PPP4R1: variants seen among roughly 807,000 people sequenced by gnomAD.
PPP4R1 encodes protein phosphatase 4 regulatory subunit 1.
A neutral mutation model predicts 111.2 loss-of-function variants in PPP4R1; 42 were observed. The observed-to-expected ratio is 0.38, with a 90% CI of 0.29 to 0.49. PPP4R1 has a LOEUF of 0.49. Ranked by LOEUF, PPP4R1 falls within the 20% of genes least tolerant of loss-of-function variation. The pLI is 0.97. For missense variants in PPP4R1, 1,012 were observed against 1,161.6 expected, an observed-to-expected ratio of 0.87 and a Z score of 1.87; for synonymous variants, 409 against 405.5, an observed-to-expected ratio of 1.01 and a Z score of -0.10.
chr18:9,572,293 G>C (rs1200019003), intron 10 of PPP4R1, among the ~76,000 whole-genome samples: 3 of 152,132 alleles, frequency 2.0e-5, no homozygotes, highest in African/African-American at 7.2e-5. Flanking sequence ...CAACTGCATA[G>C]AATAACAAAG....
intron 9 of PPP4R1, among the ~76,000 whole-genome samples, chr18:9,579,027 G>A (rs777450685): frequency 9.9e-5 from 15 of 152,132 alleles, no homozygotes; most frequent in Non-Finnish European, 1.5e-4. Context: ...TGTCTAATAA[G>A]TTAATTAAAT....
chr18:9,610,000 T>C (rs774014237), intron 2 of PPP4R1, among the ~76,000 whole-genome samples: 8 of 152,244 alleles, frequency 5.3e-5, no homozygotes, highest in Non-Finnish European at 1.0e-4. Context: ...ATAACCTGTG[T>C]ATGAAAGGCA....
chr18:9,573,248 T>A (rs1251268297), intron 10 of PPP4R1, among the ~76,000 whole-genome samples: 1 of 152,234 alleles, frequency 6.6e-6, no homozygotes, highest in Non-Finnish European at 1.5e-5. Context: ...CAGTATTGTA[T>A]CAATGTTAAT....
chr18:9,549,773 G>C, intron 18 of PPP4R1: 3 of 554,622 alleles, frequency 5.4e-6, no homozygotes, highest in Non-Finnish European at 9.7e-6. Context: ...GTGCAGAGCA[G>C]AACACGCACA....
rs2066602217 is a variant in PPP4R1, at chr18:9,557,234, T to C, written c.2177A>G (p.His726Arg). The C allele has an allele frequency of 6.3e-7, 1 of 1,578,016 alleles. No individual in the cohort carries two copies. The highest frequency in any genetic ancestry group is 2.3e-5 in the East Asian group (1 of 43,914). ...EVRIGVLKHL[H>R]DFLKLLHIDK... ...TTTAAAAGTTACCTTCAGAAAATCA[T>C]GCAAGTGTTTAAGAACACCTATCCT... Residue 726 changes from histidine to arginine, a missense_variant, in exon 15 of 20, where the codon CAT (histidine) becomes CGT (arginine). Coordinates refer to ENST00000400556, the MANE Select transcript of PPP4R1 (RefSeq NM_001042388.3).
chr18:9,575,888 G>GT (rs1167021160), intron 10 of PPP4R1, among the ~76,000 whole-genome samples: 1 of 152,206 alleles, frequency 6.6e-6, no homozygotes, highest in Non-Finnish European at 1.5e-5. Flanking sequence ...CAGAAGTTAT[G>GT]TAACAGTCTT....
intron 2 of PPP4R1, among the ~76,000 whole-genome samples, chr18:9,611,676 G>A (rs1568133507): frequency 1.3e-5 from 2 of 152,228 alleles, no homozygotes; most frequent in Non-Finnish European, 2.9e-5. Flanking sequence ...TTCAATGTCT[G>A]TTTTATCCTA....
At chr18:9,578,394 ATCCAGTTAATTTTTCTATTT>A (rs540952462) in intron 9 of PPP4R1, among the ~76,000 whole-genome samples, 1 of 152,226 alleles carries the variant, frequency 6.6e-6, no homozygotes, top group African/African-American at 2.4e-5. Context: ...GTGCCACCAC[ATCCAGTTAATTTTTCTATTT>A]TTTTTGCAGA....
At position 9,549,292 on chromosome 18, in the gene PPP4R1, T is replaced by C; in HGVS notation, c.2594A>G (p.His865Arg). 1 of 1,613,488 alleles carries C rather than the reference T, an allele frequency of 6.2e-7. No homozygotes were observed. The highest frequency in any genetic ancestry group is 8.5e-7 in the Non-Finnish European group (1 of 1,179,432). Residue 865 changes from histidine to arginine, a missense_variant, in exon 19 of 20, where the codon CAT becomes CGT. Around this residue, in one of 2 missense-constraint regions of PPP4R1, gnomAD observed 305 missense variants for 419.5 expected, o/e 0.73. Coordinates refer to ENST00000400556, the MANE Select transcript of PPP4R1 (RefSeq NM_001042388.3). ...DCLPMDQFAV[H>R]LMPHLLTLAN... ...TAAGGTTAGCAGATGCGGCATGAGATGCACAGCAAACTGGTCCATGGGAAG... is the reference window on the plus strand; with the variant it reads ...TAAGGTTAGCAGATGCGGCATGAGACGCACAGCAAACTGGTCCATGGGAAG...
At chr18:9,558,274 A>AG (rs1568088552) in intron 14 of PPP4R1, among the ~76,000 whole-genome samples, 1 of 152,176 alleles carries the variant, frequency 6.6e-6, no homozygotes, top group Non-Finnish European at 1.5e-5. Flanking sequence ...CTGATGGAAG[A>AG]GGGGGGCAGC....
intron 10 of PPP4R1, among the ~76,000 whole-genome samples, chr18:9,574,516 A>G (rs1322571394): frequency 6.6e-6 from 1 of 152,246 alleles, no homozygotes; most frequent in Non-Finnish European, 1.5e-5. Flanking sequence ...CATTAAGCTA[A>G]ACTGGAAAAA....
At chr18:9,567,607 G>A (rs1195795263) in intron 11 of PPP4R1, among the ~76,000 whole-genome samples, 1 of 152,162 alleles carries the variant, frequency 6.6e-6, no homozygotes, top group African/African-American at 2.4e-5. Flanking sequence ...ATGATGCTGT[G>A]AACATTGTTG....
rs756709605 is a variant in PPP4R1, at chr18:9,559,412, T to C, written c.2028+7A>G. ...CGTTCTGCTAATTCTTTAACTGCTT[T>C]ACTCACCTGCATGTCTGAGGCCAGA... On this transcript the variant is annotated splice_region_variant and intron_variant, in intron 14 of 19. Coordinates refer to ENST00000400556, the MANE Select transcript of PPP4R1 (RefSeq NM_001042388.3). 1.2e-6 allele frequency: 2 copies of C among 1,602,962 alleles called. No homozygotes were observed. The highest frequency in any genetic ancestry group is 1.7e-5 in the Admixed American group (1 of 58,936).
chr18:9,570,312 T>C lies in PPP4R1; in HGVS notation c.1418A>G (p.Glu473Gly), dbSNP rs2066839795. The change falls in exon 11 of 20, where the codon GAA becomes GGA. Residue 473 changes from glutamate to glycine, a missense_variant. By Grantham distance (98) the Glu-to-Gly change is moderately conservative. This residue lies in a region of PPP4R1 where 707 missense variants were observed against 742.1 expected (regional missense o/e 0.95). Transcript: ENST00000400556. ...GCTGGGTTTTCCCCCAGAGTTCTGT[T>C]CAAGCTCTATGTCTAGATCTATTTC... ...LPEIDLDIELEQNSGGKPSPE... is the reference protein window; with the variant it reads ...LPEIDLDIELGQNSGGKPSPE... The C allele has an allele frequency of 6.2e-7, 1 of 1,612,448 alleles. No homozygotes were observed. The highest frequency in any genetic ancestry group is 8.5e-7 in the Non-Finnish European group (1 of 1,179,396).
intron 4 of PPP4R1, among the ~76,000 whole-genome samples, chr18:9,589,346 A>G (rs148986487): frequency 5.3e-5 from 8 of 152,334 alleles, no homozygotes; most frequent in Non-Finnish European, 1.2e-4. Flanking sequence ...ATTAAAGATG[A>G]CAAATATTTT....
At chr18:9,570,706 G>GA (rs776658185) in intron 10 of PPP4R1, 23 bp from the exon 11 acceptor site, 19 of 1,488,230 alleles carry the variant, frequency 1.3e-5, no homozygotes, top group Middle Eastern at 1.8e-4. Context: ...TATTTGGTGG[G>GA]AAAAAAACAA....
At chr18:9,608,610 G>A (rs1039996433) in intron 2 of PPP4R1, among the ~76,000 whole-genome samples, 2 of 152,116 alleles carry the variant, frequency 1.3e-5, no homozygotes, top group African/African-American at 4.8e-5. Context: ...AAATTAGAGG[G>A]AATACCTCCT....
At chr18:9,607,468 T>C (rs958887196) in intron 2 of PPP4R1, among the ~76,000 whole-genome samples, 18 of 151,858 alleles carry the variant, frequency 1.2e-4, no homozygotes, top group African/African-American at 3.1e-4. Context: ...ATCTGTAATA[T>C]ATAACGAACT....
At chr18:9,584,671 C>T (rs758090059) in intron 7 of PPP4R1, 50 bp downstream of exon 7, 5 of 1,604,226 alleles carry the variant, frequency 3.1e-6, no homozygotes, top group Admixed American at 3.4e-5. Flanking sequence ...AGTACATTAA[C>T]CACTAGAACT....
Sources: gnomAD v4.1 joint callset for allele counts (sites outside exome capture counted in the v4.1 genomes callset) on GRCh38, gnomAD v4.1.1 for gene constraint, gnomAD v4.1.1 regional missense constraint, MANE v1.5 for transcripts, NCBI Gene and HGNC (gene_info 2026-07-23, HGNC 2026-07-21) for gene names.